Variants in STMN2 observed in about 807,000 individuals in gnomAD.
The protein encoded by STMN2 is stathmin 2.
A neutral mutation model predicts 24.1 loss-of-function variants in STMN2; 2 were observed. The observed-to-expected ratio is 0.08, with a 90% CI of 0.03 to 0.26. The LOEUF is 0.26. STMN2 is among the 10% of genes least tolerant of loss of function. STMN2 has a pLI of 1.00. For synonymous variants in STMN2, 83 were observed against 77.5 expected, an observed-to-expected ratio of 1.07 and a Z score of -0.37; for missense variants, 114 against 213.6, an observed-to-expected ratio of 0.53 and a Z score of 2.91.
intron 1 of STMN2, chr8:79,613,415 C>G: frequency 1.0e-6 from 1 of 985,442 alleles, no homozygotes; most frequent in East Asian, 1.1e-4. Flanking sequence ...CGCGGTGCAG[C>G]CGGGGAGACC....
chr8:79,613,276 A>T (rs896942908), intron 1 of STMN2, among the ~76,000 whole-genome samples: 166 of 152,100 alleles, frequency 1.1e-3, no homozygotes, highest in African/African-American at 3.3e-3. Flanking sequence ...CTCCCAGCTG[A>T]GGCCCAGAGC....
At chr8:79,629,508 C>T (rs933172191) in intron 1 of STMN2, among the ~76,000 whole-genome samples, 1 of 152,146 alleles carries the variant, frequency 6.6e-6, no homozygotes, top group Admixed American at 6.5e-5. Context: ...AAATAAAACT[C>T]TAATGAGTGG....
At chr8:79,660,480 A>G (rs1159261423) in intron 4 of STMN2, among the ~76,000 whole-genome samples, 1 of 152,204 alleles carries the variant, frequency 6.6e-6, no homozygotes, top group African/African-American at 2.4e-5. Context: ...TTGCTTCACT[A>G]TAATTCATCA....
chr8:79,613,340 A>G, intron 1 of STMN2: 1 of 975,476 alleles, frequency 1.0e-6, no homozygotes, highest in Non-Finnish European at 1.2e-6. Flanking sequence ...TGTGGAGCGC[A>G]GCCAGCCCTG....
At chr8:79,637,343 C>T (rs1220629171) in intron 2 of STMN2, among the ~76,000 whole-genome samples, 1 of 152,046 alleles carries the variant, frequency 6.6e-6, no homozygotes, top group Non-Finnish European at 1.5e-5. Flanking sequence ...ACATGTCAAC[C>T]AGCTAATGAT....
chr8:79,621,792 T>A (rs1809521658), intron 1 of STMN2, among the ~76,000 whole-genome samples: 1 of 152,168 alleles, frequency 6.6e-6, no homozygotes, highest in Admixed American at 6.5e-5. Flanking sequence ...AACTCAGTAC[T>A]TACTTTGCTT....
At chr8:79,655,180 T>A in intron 4 of STMN2, 118 bp downstream of exon 4, 3 of 1,126,828 alleles carry the variant, frequency 2.7e-6, no homozygotes, top group Non-Finnish European at 1.3e-6. Context: ...TGAGGACAAC[T>A]AACTCCCATG....
At chr8:79,621,493 C>A (rs988297959) in intron 1 of STMN2, among the ~76,000 whole-genome samples, 1 of 152,204 alleles carries the variant, frequency 6.6e-6, no homozygotes, top group Non-Finnish European at 1.5e-5. Flanking sequence ...CAGCATCAGA[C>A]GTTTTGCAGT....
intron 4 of STMN2, among the ~76,000 whole-genome samples, chr8:79,659,374 G>A (rs2130394500): frequency 6.6e-6 from 1 of 152,254 alleles, no homozygotes; most frequent in South Asian, 2.1e-4. Context: ...GAGAAGGGGA[G>A]GAGAGGGGAA....
intron 1 of STMN2, among the ~76,000 whole-genome samples, chr8:79,619,424 T>A (rs1221898912): frequency 6.6e-6 from 1 of 152,212 alleles, no homozygotes; most frequent in Non-Finnish European, 1.5e-5. Flanking sequence ...TTAACAAAGC[T>A]GCTCACAGTA....
intron 1 of STMN2, among the ~76,000 whole-genome samples, chr8:79,624,720 CAAG>C: frequency 6.6e-6 from 1 of 152,254 alleles, no homozygotes; most frequent in South Asian, 2.1e-4. Flanking sequence ...GCTAAGAAGT[CAAG>C]AAGGATTTCT....
At chr8:79,633,947 T>C (rs1245292286) in intron 1 of STMN2, among the ~76,000 whole-genome samples, 1 of 152,204 alleles carries the variant, frequency 6.6e-6, no homozygotes, top group Admixed American at 6.5e-5. Flanking sequence ...TAAGGACAGA[T>C]ATTGAGGAGT....
Position 79,636,926 on chromosome 8 carries a change from G to T in STMN2, c.115+29G>T, listed in dbSNP as rs747814283. The T allele has an allele frequency of 7.5e-6, 12 of 1,589,676 alleles. No homozygotes were observed. The East Asian group carries it at 1.3e-4, about 18-fold the overall frequency. ...AGTAACCTAGGATAGACATACCCCT[G>T]CTAGCTAGATCATTTGGAAAGGTTG... On this transcript the variant is annotated intron_variant, in intron 2 of 4. Transcript: ENST00000220876.
intron 2 of STMN2, among the ~76,000 whole-genome samples, chr8:79,639,640 T>C (rs1318721743): frequency 6.6e-6 from 1 of 152,236 alleles, no homozygotes; most frequent in African/African-American, 2.4e-5. Context: ...GATAATCTGC[T>C]TATCTTTAAT....
intron 4 of STMN2, among the ~76,000 whole-genome samples, chr8:79,657,134 G>A (rs34642421): frequency 0.14 from 21,321 of 152,106 alleles, 1,691 homozygotes; most frequent in Non-Finnish European, 0.19. Flanking sequence ...TCGGCCTCCC[G>A]AAGTGCTGGG....
intron 1 of STMN2, among the ~76,000 whole-genome samples, chr8:79,627,273 A>T (rs1380556400): frequency 6.6e-6 from 1 of 152,198 alleles, no homozygotes; most frequent in Non-Finnish European, 1.5e-5. Flanking sequence ...GTTTATCAGC[A>T]ATTTATCATG....
chr8:79,638,015 A>G (rs1810006200), intron 2 of STMN2, among the ~76,000 whole-genome samples: 1 of 152,248 alleles, frequency 6.6e-6, no homozygotes, highest in South Asian at 2.1e-4. Flanking sequence ...CAAAACATTC[A>G]TTAGAATGCA....
chr8:79,611,753 G>T, intron 1 of STMN2: 1 of 983,750 alleles, frequency 1.0e-6, no homozygotes, highest in Non-Finnish European at 1.2e-6. Flanking sequence ...GTATTGTCTC[G>T]TCGAAGAAAC....
At chr8:79,632,511 A>G (rs1809829269) in intron 1 of STMN2, among the ~76,000 whole-genome samples, 2 of 152,218 alleles carry the variant, frequency 1.3e-5, no homozygotes, top group South Asian at 4.1e-4. Context: ...GGGCCTCGTC[A>G]GCAGAGCCGT....
Sources: gnomAD v4.1 joint callset for allele counts (sites outside exome capture counted in the v4.1 genomes callset) on GRCh38, gnomAD v4.1.1 for gene constraint, MANE v1.5 for transcripts, NCBI Gene and HGNC (gene_info 2026-07-23, HGNC 2026-07-21) for gene names.